Variants in RGS17 observed in about 807,000 individuals in gnomAD.
RGS17 encodes regulator of G-protein signaling 17.
Under a neutral mutation model 25.5 loss-of-function variants are expected in RGS17, and 12 were observed. That is an observed-to-expected ratio of 0.47 (90% CI 0.30 to 0.76). The LOEUF (loss-of-function observed/expected upper bound fraction) is 0.76, where lower values mean the gene tolerates loss of function less well. Among genes scored for constraint, RGS17 ranks in the 30% least tolerant of loss-of-function variants. The pLI is 0.07. For synonymous variants in RGS17, 71 were observed against 76.9 expected (o/e 0.92, Z 0.40); for missense variants, 196 against 242.2 (o/e 0.81, Z 1.27).
chr6:153,052,300 C>A (rs1241579152), intron 1 of RGS17, among the ~76,000 whole-genome samples: 1 of 152,058 alleles, frequency 6.6e-6, no homozygotes, highest in Admixed American at 6.5e-5. Flanking sequence ...GCATCAAGCA[C>A]CAGAGGATTA....
Position 153,066,528 on chromosome 6 carries a change from CAA to C in RGS17, c.-25-22487_-25-22486del, listed in dbSNP as rs1304358741. Among the ~76,000 whole-genome samples, 4 of 152,018 alleles carry C rather than the reference CAA, an allele frequency of 2.6e-5. No individual in the cohort carries two copies. The East Asian group carries it at 7.7e-4, about 29-fold the overall frequency. On this transcript the variant is annotated intron_variant, in intron 1 of 4. Transcript: ENST00000206262. ...GTATTATCTTGATACCAAAACCAGA[CAA>C]AGACACATCAAAAAAAGAAAACTAC... is the stretch of plus-strand genomic sequence containing the variant.
chr6:153,114,879 C>T (rs1356008068), intron 1 of RGS17, among the ~76,000 whole-genome samples: 2 of 152,206 alleles, frequency 1.3e-5, no homozygotes, highest in East Asian at 1.9e-4. Context: ...AAATTCAACA[C>T]CCCTTCATGC....
intron 1 of RGS17, among the ~76,000 whole-genome samples, chr6:153,106,327 G>A (rs1177456768): frequency 2.6e-5 from 4 of 151,884 alleles, no homozygotes; most frequent in African/African-American, 9.7e-5. Flanking sequence ...GGATGGTTGG[G>A]ACTTAGAAAA....
intron 1 of RGS17, among the ~76,000 whole-genome samples, chr6:153,091,329 A>C (rs1216123202): frequency 6.6e-6 from 1 of 152,220 alleles, no homozygotes; most frequent in Non-Finnish European, 1.5e-5. Flanking sequence ...GATAATGGCT[A>C]GTTTGGAGAA....
intron 4 of RGS17, among the ~76,000 whole-genome samples, chr6:153,017,274 T>C (rs1427750656): frequency 1.3e-5 from 2 of 151,816 alleles, no homozygotes; most frequent in Non-Finnish European, 2.9e-5. Flanking sequence ...ACAAGTGACT[T>C]TGCAATAGGT....
At chr6:153,099,807 G>C (rs538691032) in intron 1 of RGS17, among the ~76,000 whole-genome samples, 2 of 152,248 alleles carry the variant, frequency 1.3e-5, no homozygotes, top group African/African-American at 4.8e-5. Context: ...AGCACTTTCA[G>C]AGTGGGTGAA....
At chr6:153,123,622 C>T (rs12200893) in intron 1 of RGS17, among the ~76,000 whole-genome samples, 16,887 of 152,066 alleles carry the variant, frequency 0.11, 1,036 homozygotes, top group East Asian at 0.18. Flanking sequence ...TGTATTTATT[C>T]TTCATCCAAA....
At position 153,083,924 on chromosome 6, in the gene RGS17, A is replaced by G. The variant is rs531126880; in HGVS notation, c.-25-39881T>C. ...ACACACACCTATAAAATATGCATAA[A>G]TATTAAAAATCATTGTAAATCTCAT... On this transcript the variant is annotated intron_variant, in intron 1 of 4. Coordinates refer to ENST00000206262, the MANE Select transcript of RGS17 (RefSeq NM_012419.5). Among the ~76,000 whole-genome samples the G allele has an allele frequency of 5.9e-4, 90 of 152,350 alleles. 1 individual carries two copies. The highest frequency in any genetic ancestry group is 2.0e-3 in the African/African-American group (83 of 41,590).
At chr6:153,042,516 A>G (rs1433494164) in intron 2 of RGS17, among the ~76,000 whole-genome samples, 2 of 152,116 alleles carry the variant, frequency 1.3e-5, no homozygotes, top group Non-Finnish European at 2.9e-5. Context: ...TTCTGCCATG[A>G]TTGTGAGGCC....
chr6:153,106,736 G>A (rs1320328487), intron 1 of RGS17, among the ~76,000 whole-genome samples: 7 of 151,876 alleles, frequency 4.6e-5, no homozygotes, highest in Middle Eastern at 3.2e-3. Flanking sequence ...TCCACCTCCC[G>A]GTTTCAAGCA....
At chr6:153,117,370 CT>C (rs1393033748) in intron 1 of RGS17, among the ~76,000 whole-genome samples, 3 of 152,168 alleles carry the variant, frequency 2.0e-5, no homozygotes, top group Non-Finnish European at 4.4e-5. Context: ...CACCAGGTCT[CT>C]CCCTAAACAC....
intron 1 of RGS17, among the ~76,000 whole-genome samples, chr6:153,070,002 G>C (rs773971075): frequency 2.6e-5 from 4 of 151,818 alleles, no homozygotes; most frequent in Admixed American, 1.3e-4. Context: ...CAACTTCCAG[G>C]AAGTATACAA....
intron 2 of RGS17, among the ~76,000 whole-genome samples, chr6:153,031,462 TTG>T (rs1338404820): frequency 2.0e-5 from 3 of 152,226 alleles, no homozygotes; most frequent in Non-Finnish European, 4.4e-5. Flanking sequence ...ATCCATTACC[TTG>T]TCACTTCCTC....
At chr6:153,080,551 TATG>T (rs1169213391) in intron 1 of RGS17, among the ~76,000 whole-genome samples, 1 of 152,138 alleles carries the variant, frequency 6.6e-6, no homozygotes, top group African/African-American at 2.4e-5. Context: ...CTAAAATCAT[TATG>T]ATTATCAATA....
intron 4 of RGS17, among the ~76,000 whole-genome samples, chr6:153,014,158 G>T (rs1779159954): frequency 6.6e-6 from 1 of 152,142 alleles, no homozygotes; most frequent in Non-Finnish European, 1.5e-5. Context: ...ACTTTAAACA[G>T]ATACGAATGC....
chr6:153,096,952 T>C (rs978246448), intron 1 of RGS17, among the ~76,000 whole-genome samples: 4 of 152,038 alleles, frequency 2.6e-5, no homozygotes, highest in Admixed American at 1.3e-4. Flanking sequence ...ACATTGACAA[T>C]AGGGGAAGCA....
chr6:153,099,511 G>A (rs796955265), intron 1 of RGS17, among the ~76,000 whole-genome samples: 15 of 151,912 alleles, frequency 9.9e-5, no homozygotes, highest in African/African-American at 3.1e-4. Flanking sequence ...AAATATATTC[G>A]GAAAAAAAAT....
At chr6:153,050,761 A>G (rs1393398328) in intron 1 of RGS17, among the ~76,000 whole-genome samples, 3 of 152,244 alleles carry the variant, frequency 2.0e-5, no homozygotes, top group Non-Finnish European at 4.4e-5. Context: ...CACTAATTAC[A>G]GTATATTTAA....
At chr6:153,041,881 T>C (rs183295265) in intron 2 of RGS17, among the ~76,000 whole-genome samples, 30 of 152,362 alleles carry the variant, frequency 2.0e-4, no homozygotes, top group African/African-American at 7.2e-4. Flanking sequence ...AAGTGTTCCA[T>C]AGCCCAGAGA....
Sources: gnomAD v4.1 joint callset for allele counts (sites outside exome capture counted in the v4.1 genomes callset) on GRCh38, gnomAD v4.1.1 for gene constraint, MANE v1.5 for transcripts, NCBI Gene and HGNC (gene_info 2026-07-23, HGNC 2026-07-21) for gene names.